TTC39A: variants seen among roughly 807,000 people sequenced by gnomAD.
TTC39A encodes the protein tetratricopeptide repeat protein 39A.
In TTC39A, 46 loss-of-function variants were observed where a neutral mutation model predicts 82.3. The ratio of observed to expected loss-of-function variants is 0.56; its 90% confidence interval spans 0.44 to 0.71. The LOEUF is 0.71. Among genes scored for constraint, TTC39A ranks in the 30% least tolerant of loss-of-function variants. The probability of loss-of-function intolerance (pLI) is 0.00; values close to 1 mark genes in which losing one functional copy is unlikely to be tolerated. For missense variants in TTC39A, 543 were observed against 712.9 expected (o/e 0.76, Z 2.71); for synonymous variants, 254 against 275.2 (o/e 0.92, Z 0.76).
chr1:51,311,155 GGGGGATGGGTCACAGTTGCTCTA>G (rs2148224330), intron 5 of TTC39A, 76 bp downstream of exon 5: 1 of 1,160,410 alleles, frequency 8.6e-7, no homozygotes, highest in Non-Finnish European at 1.2e-6. Context: ...TGGTTGCTAT[GGGGGATGGGTCACAGTTGCTCTA>G]GGGGATGGGT....
intron 8 of TTC39A, 110 bp downstream of exon 8, chr1:51,304,971 C>G: frequency 8.5e-7 from 1 of 1,180,962 alleles, no homozygotes; most frequent in Admixed American, 1.9e-5. Flanking sequence ...ATGAGAGGGG[C>G]TGAGCCAGGA....
At position 51,288,055 on chromosome 1, in the gene TTC39A, A is replaced by AC. The variant is rs1313140634; in HGVS notation, c.*101dup. 4.7e-6 allele frequency: 7 copies of AC among 1,503,010 alleles called. No individual in the cohort carries two copies. The highest frequency in any genetic ancestry group is 2.1e-5 in the Admixed American group (1 of 48,238). 93.1% of individuals were successfully genotyped at this position (1,503,010 alleles called of 1,614,324 possible). On this transcript the variant is annotated 3_prime_UTR_variant, in exon 18 of 18. Transcript: ENST00000680483. The surrounding 1 kb of genome is among the most constrained non-coding windows in gnomAD (Gnocchi z 4.8). ...TGCCATCCAACTGGAGTGCCGGTGG[A>AC]CCCCAAAGGCAGGGCAGGGCAGGGG...
In TTC39A at chr1:51,287,944, G is replaced by T; in HGVS notation, c.*213C>A. Reference sequence around the variant, plus strand: ...CGTATGTGTGATAGGGCAGGCAGAGGGCTCCACCTGCTCTGCCCTTGGCAA... The same window carrying T: ...CGTATGTGTGATAGGGCAGGCAGAGTGCTCCACCTGCTCTGCCCTTGGCAA... On this transcript the variant is annotated 3_prime_UTR_variant, in exon 18 of 18. Coordinates refer to ENST00000680483, the MANE Select transcript of TTC39A (RefSeq NM_001297663.2). 1 of 625,062 alleles carries T rather than the reference G, an allele frequency of 1.6e-6. No homozygotes were observed. Among genetic ancestry groups the T allele is most frequent in the Non-Finnish European group, 2.7e-6 (1 of 374,474 alleles). 38.7% of individuals were successfully genotyped at this position (625,062 alleles called of 1,614,324 possible).
rs182044684 is a variant in TTC39A at position 51,293,716 on chromosome 1, C to T, written c.1266+675G>A. ...AACTTTATCTGATGCCTACTCAAATCGTGCATAGAATTAGCATCACAACCA... is the reference window on the plus strand; with the variant it reads ...AACTTTATCTGATGCCTACTCAAATTGTGCATAGAATTAGCATCACAACCA... On this transcript the variant is annotated intron_variant, in intron 14 of 17. Coordinates refer to ENST00000680483, the MANE Select transcript of TTC39A (RefSeq NM_001297663.2). Among the ~76,000 whole-genome samples, 597 of 152,334 alleles carry T rather than the reference C, an allele frequency of 3.9e-3. 4 individuals carry two copies. The highest frequency in any genetic ancestry group is 0.014 in the African/African-American group (572 of 41,576).
Position 51,321,470 on chromosome 1 carries a change from G to A in TTC39A, c.146+251C>T, listed in dbSNP as rs1376855854. On this transcript the variant is annotated intron_variant, in intron 2 of 17. Transcript: ENST00000680483. This position sits in a 1 kb window ranked among gnomAD's most constrained non-coding sequence, Gnocchi z 4.6. ...GGATGAAACTCCAAGTGGATTCTGC[G>A]GGAACAAGTAACAAAGTGTGAAGAA... Among the ~76,000 whole-genome samples the A allele has an allele frequency of 6.6e-6, 1 of 152,110 alleles. No individual in the cohort carries two copies. The highest frequency in any genetic ancestry group is 1.5e-5 in the Non-Finnish European group (1 of 68,020).
intron 4 of TTC39A, 104 bp from the exon 5 acceptor site, chr1:51,311,425 G>A: frequency 9.8e-7 from 1 of 1,021,218 alleles, no homozygotes; most frequent in Non-Finnish European, 1.4e-6. Flanking sequence ...GGGAACCTAT[G>A]TCAGCACCTC....
chr1:51,289,078 G>A, intron 16 of TTC39A, 123 bp from the exon 17 acceptor site: 1 of 816,376 alleles, frequency 1.2e-6, no homozygotes, highest in South Asian at 1.7e-5. Context: ...AGAAAGGCTG[G>A]GATCCATAGC....
At chr1:51,292,433 A>G (rs1644257642) in intron 14 of TTC39A, among the ~76,000 whole-genome samples, 1 of 151,920 alleles carries the variant, frequency 6.6e-6, no homozygotes, top group Non-Finnish European at 1.5e-5. Context: ...GTTTCATTCT[A>G]TTTTATTTTA....
At chr1:51,299,545 G>GC (rs1415309074) in intron 12 of TTC39A, 1 of 152,294 alleles carries the variant, frequency 6.6e-6, no homozygotes, top group Non-Finnish European at 1.5e-5. Context: ...AATGGGTGGG[G>GC]CCCCAGAACT....
intron 1 of TTC39A, among the ~76,000 whole-genome samples, chr1:51,323,956 T>C (rs1382869669): frequency 6.6e-6 from 1 of 152,194 alleles, no homozygotes; most frequent in Non-Finnish European, 1.5e-5. Flanking sequence ...AAATTCATGT[T>C]TGACAGATCC....
At chr1:51,320,611 C>T (rs1318809551) in intron 2 of TTC39A, among the ~76,000 whole-genome samples, 1 of 151,400 alleles carries the variant, frequency 6.6e-6, no homozygotes, top group Admixed American at 6.6e-5. Context: ...ACCACCACAC[C>T]CAGCTAATTT....
At chr1:51,322,309 G>A in intron 1 of TTC39A, 1 of 1,412,838 alleles carries the variant, frequency 7.1e-7, no homozygotes, top group South Asian at 1.8e-5. Flanking sequence ...CACACTATGG[G>A]TCAGCAGCCC....
intron 8 of TTC39A, 137 bp downstream of exon 8, chr1:51,304,944 T>C (rs563731344): frequency 3.1e-4 from 263 of 845,118 alleles, no homozygotes; most frequent in Non-Finnish European, 4.4e-4. Context: ...GGTCTGGGCA[T>C]TGTCCAGGGC....
At chr1:51,339,849 G>T (rs1646014051) in intron 1 of TTC39A, among the ~76,000 whole-genome samples, 1 of 152,330 alleles carries the variant, frequency 6.6e-6, no homozygotes, top group South Asian at 2.1e-4. Context: ...TCCCACCCAT[G>T]GCATGGGGTG....
At position 51,330,470 on chromosome 1, in the gene TTC39A, G is replaced by A. The variant is rs1488384270; in HGVS notation, c.8C>T (p.Ser3Leu). 1 of 983,522 alleles carries A rather than the reference G, an allele frequency of 1.0e-6. No individual in the cohort carries two copies. The highest frequency in any genetic ancestry group is 1.8e-5 in the African/African-American group (1 of 56,812). 60.9% of individuals were successfully genotyped at this position (983,522 alleles called of 1,614,324 possible). The change falls in exon 1 of 18, where the codon TCG (serine) becomes TTG (leucine). Residue 3 changes from serine (S) to leucine (L), a missense_variant. By Grantham distance (145) the Ser-to-Leu change is moderately radical (BLOSUM62 -2). Coordinates refer to ENST00000680483, the MANE Select transcript of TTC39A (RefSeq NM_001297663.2). The surrounding 1 kb of genome is among the most constrained non-coding windows in gnomAD (Gnocchi z 4.5). Reference sequence around the variant, plus strand: ...CAGGGCTCCTGGGGCGCCGCCAGCCGAGGTCATCGCCGAGGGGCGCGGGCG... The same window carrying A: ...CAGGGCTCCTGGGGCGCCGCCAGCCAAGGTCATCGCCGAGGGGCGCGGGCG... MT[S>L]AGGAPGALPA...
chr1:51,331,864 A>G (rs1645916842), upstream of TTC39A: 1 of 966,916 alleles, frequency 1.0e-6, no homozygotes, highest in Admixed American at 6.2e-5. Context: ...GACAGAACTG[A>G]GCCTTGAAGT....
intron 2 of TTC39A, 143 bp from the exon 3 acceptor site, chr1:51,313,086 G>T (rs1184226888): frequency 1.8e-6 from 2 of 1,122,126 alleles, no homozygotes; most frequent in Admixed American, 2.3e-5. Flanking sequence ...CCTTGGCCAG[G>T]TCTAATCTGC....
rs748173361 is a variant in TTC39A, at chr1:51,306,080, CAG to C, written c.489-6_489-5del. 10 of 1,612,276 alleles carry C rather than the reference CAG, an allele frequency of 6.2e-6. No homozygotes were observed. Among genetic ancestry groups the C allele is most frequent in the East Asian group, 2.2e-5 (1 of 44,844 alleles). On this transcript the variant is annotated splice_region_variant and splice_polypyrimidine_tract_variant and intron_variant, in intron 6 of 17. Coordinates refer to ENST00000680483, the MANE Select transcript of TTC39A (RefSeq NM_001297663.2). Reference sequence around the variant, plus strand: ...CTGAACAAGGCTGTCCAGCTCCCTGCAGAGAGATGCCAAGTCCTGTTTCAGCC... The same window carrying C: ...CTGAACAAGGCTGTCCAGCTCCCTGCAGAGATGCCAAGTCCTGTTTCAGCC...
chr1:51,310,699 C>T (rs1055353338), intron 5 of TTC39A, among the ~76,000 whole-genome samples: 65 of 152,332 alleles, frequency 4.3e-4, no homozygotes, highest in African/African-American at 1.5e-3. Context: ...GCTCCAACTT[C>T]GTCAGACCTA....
Sources: allele counts gnomAD v4.1 joint callset (sites outside exome capture counted in the v4.1 genomes callset), GRCh38; gene constraint gnomAD v4.1.1; non-coding constraint Gnocchi (gnomAD v3.1); transcripts MANE v1.5; gene names NCBI Gene and HGNC (gene_info 2026-07-23, HGNC 2026-07-21).